Variants in TBCK observed in about 807,000 individuals in gnomAD.
TBCK encodes TBC1 domain containing kinase, also known as TBC domain-containing protein kinase-like protein.
Under a neutral mutation model 113.4 loss-of-function variants are expected in TBCK, and 99 were observed. The observed-to-expected ratio is 0.87, with a 90% confidence interval of 0.74 to 1.03. The LOEUF (loss-of-function observed/expected upper bound fraction) is 1.03, where lower values mean the gene tolerates loss of function less well. Among genes scored for constraint, TBCK ranks in the 50% least tolerant of loss-of-function variants. The pLI is 0.00. For synonymous variants in TBCK, 369 were observed against 370.8 expected, an observed-to-expected ratio of 1.00 and a Z score of 0.05; for missense variants, 1,045 against 1,061.3, an observed-to-expected ratio of 0.98 and a Z score of 0.21.
rs762010527 is a variant in TBCK at position 106,233,654 on chromosome 4, C to G, written c.1450-4G>C. Reference sequence around the variant, plus strand: ...CGTACTTGGCATGAATAGCTCCCTGCAAAAAATAAAAGAAGATATATTAAT... The same window carrying G: ...CGTACTTGGCATGAATAGCTCCCTGGAAAAAATAAAAGAAGATATATTAAT... On this transcript the variant is annotated splice_region_variant and splice_polypyrimidine_tract_variant and intron_variant, in intron 15 of 25. Coordinates refer to ENST00000394708, the MANE Select transcript of TBCK (RefSeq NM_001163435.3). 6.3e-7 allele frequency: 1 copy of G among 1,599,858 alleles called. No individual in the cohort carries two copies.
chr4:106,284,671 G>A (rs1764941713), intron 3 of TBCK, among the ~76,000 whole-genome samples: 1 of 152,076 alleles, frequency 6.6e-6, no homozygotes, highest in South Asian at 2.1e-4. Flanking sequence ...ATCTGTCCAT[G>A]AGCTACATTT....
Position 106,043,594 on chromosome 4 carries a change from A to AATC in TBCK, c.*2973_*2975dup, listed in dbSNP as rs2149435541. 1 of 152,330 alleles carries AATC rather than the reference A, an allele frequency of 6.6e-6. No homozygotes were observed. The highest frequency in any genetic ancestry group is 6.5e-5 in the Admixed American group (1 of 15,296). 9.4% of individuals were successfully genotyped at this position (152,330 alleles called of 1,614,324 possible). On this transcript the variant is annotated 3_prime_UTR_variant, in exon 26 of 26. Transcript: ENST00000394708. Reference sequence around the variant, plus strand: ...CAAACGATTGCAAAATGATGTAATAAATCTATTATTAGTAAATTATGAATG... The same window carrying AATC: ...CAAACGATTGCAAAATGATGTAATAAATCATCTATTATTAGTAAATTATGAATG...
In TBCK at chr4:106,212,820, A is replaced by G; in HGVS notation, c.1790T>C (p.Phe597Ser). 6.2e-7 allele frequency: 1 copy of G among 1,611,222 alleles called. No homozygotes were observed. The highest frequency in any genetic ancestry group is 1.1e-5 in the South Asian group (1 of 90,828). Residue 597 changes from phenylalanine (F) to serine (S), a missense_variant, in exon 20 of 26, where the codon TTC (phenylalanine) becomes TCC (serine). Physicochemically the swap from Phe to Ser is radical, Grantham distance 155. Coordinates refer to ENST00000394708, the MANE Select transcript of TBCK (RefSeq NM_001163435.3). ...SHVIQEYLTV[F>S]SQMIAFHDPE... ...ATCATGAAATGCAATCATCTGAGAG[A>G]AGACAGTCAGATACTCTGAAATTAC...
intron 2 of TBCK, among the ~76,000 whole-genome samples, chr4:106,302,777 G>C (rs1421445656): frequency 6.6e-6 from 1 of 152,196 alleles, no homozygotes; most frequent in Non-Finnish European, 1.5e-5. Flanking sequence ...GCTGGATTAA[G>C]GGTAAGGGCT....
chr4:106,237,909 T>C (rs1759654895), intron 12 of TBCK, among the ~76,000 whole-genome samples: 1 of 152,086 alleles, frequency 6.6e-6, no homozygotes, highest in African/African-American at 2.4e-5. Context: ...TGTCTGTCTT[T>C]TCTAAATAAA....
At chr4:106,094,051 A>C (rs1353551021) in intron 25 of TBCK, among the ~76,000 whole-genome samples, 3 of 152,178 alleles carry the variant, frequency 2.0e-5, no homozygotes, top group Admixed American at 6.5e-5. Flanking sequence ...TGCTCTGTGA[A>C]AAGCAAAAAC....
chr4:106,143,954 T>C (rs918750425), intron 23 of TBCK, among the ~76,000 whole-genome samples: 2 of 150,854 alleles, frequency 1.3e-5, no homozygotes, highest in African/African-American at 2.4e-5. Context: ...CCGCAATTAC[T>C]CTTGCACCAA....
At chr4:106,213,609 AC>A (rs1486604399) in intron 19 of TBCK, 5 of 153,394 alleles carry the variant, frequency 3.3e-5, no homozygotes, top group African/African-American at 1.2e-4. Context: ...GGGGTGACGG[AC>A]GGCACCTGGA....
Position 106,084,459 on chromosome 4 carries a change from C to T in TBCK, c.2571+11023G>A, listed in dbSNP as rs554824984. Among the ~76,000 whole-genome samples the T allele has an allele frequency of 1.2e-4, 19 of 152,102 alleles. No homozygotes were observed. The South Asian group carries it at 1.3e-3, about 10-fold the overall frequency. ...TTAATAAAAAGACTGAACCTATGAT[C>T]GACCGGAGTACCAGAAGGAGACAGG... On this transcript the variant is annotated intron_variant, in intron 25 of 25. Coordinates refer to ENST00000394708, the MANE Select transcript of TBCK (RefSeq NM_001163435.3).
chr4:106,109,958 T>C (rs1370187161), intron 24 of TBCK, among the ~76,000 whole-genome samples: 1 of 152,118 alleles, frequency 6.6e-6, no homozygotes, highest in Non-Finnish European at 1.5e-5. Flanking sequence ...AACCCTCTTA[T>C]CCGGAGCCCG....
At chr4:106,294,566 C>T (rs1034120050) in intron 3 of TBCK, among the ~76,000 whole-genome samples, 2 of 151,902 alleles carry the variant, frequency 1.3e-5, no homozygotes, top group Admixed American at 6.6e-5. Context: ...ACCGTAAGCT[C>T]CGCCTCCTGG....
rs138310525 is a variant in TBCK at position 106,296,211 on chromosome 4, C to T, written c.194-1045G>A. On this transcript the variant is annotated intron_variant, in intron 2 of 25. Transcript: ENST00000394708. ...ATCTAAGAGGAATAAAAGAAAAGTACAACTGGCTTTACAAGCTTTTGGGGA... is the reference window on the plus strand; with the variant it reads ...ATCTAAGAGGAATAAAAGAAAAGTATAACTGGCTTTACAAGCTTTTGGGGA... 6.5e-4 allele frequency among the ~76,000 whole-genome samples: 99 copies of T among 152,186 alleles called. No individual in the cohort carries two copies. In the East Asian group the frequency reaches 0.016, roughly 25 times the overall value.
chr4:106,193,957 TTAA>T (rs1220022191), intron 21 of TBCK, among the ~76,000 whole-genome samples, 187 bp from the exon 22 acceptor site: 1 of 152,138 alleles, frequency 6.6e-6, no homozygotes, highest in Non-Finnish European at 1.5e-5. Context: ...CTAAGGCATC[TTAA>T]AAAATTGATA....
chr4:106,200,266 T>TG (rs1754727195), intron 20 of TBCK, among the ~76,000 whole-genome samples: 1 of 152,158 alleles, frequency 6.6e-6, no homozygotes, highest in African/African-American at 2.4e-5. Context: ...CATGGCCAGG[T>TG]GCAGTGGCTC....
intron 25 of TBCK, among the ~76,000 whole-genome samples, chr4:106,048,058 C>T (rs1477225122): frequency 6.6e-6 from 1 of 151,982 alleles, no homozygotes; most frequent in Admixed American, 6.6e-5. Flanking sequence ...AGTGGTTTGG[C>T]CAGGACAAGT....
At position 106,278,487 on chromosome 4, in the gene TBCK, A is replaced by G. The variant is rs976024813; in HGVS notation, c.267-16275T>C. Among the ~76,000 whole-genome samples the G allele has an allele frequency of 3.6e-5, 5 of 137,852 alleles. No individual in the cohort carries two copies. The Admixed American group carries it at 4.1e-4, about 11-fold the overall frequency. 90.4% of individuals were successfully genotyped at this position (137,852 alleles called of 152,430 possible). ...GGCACAAGAATTGCTTGAACCCAGG[A>G]GGCAGAGGTTGCAGTGAGCCCAGAT... On this transcript the variant is annotated intron_variant, in intron 3 of 25. Transcript: ENST00000394708.
intron 24 of TBCK, among the ~76,000 whole-genome samples, chr4:106,104,264 A>G (rs1162910221): frequency 6.6e-6 from 1 of 152,200 alleles, no homozygotes; most frequent in Non-Finnish European, 1.5e-5. Flanking sequence ...CTCACAAGAT[A>G]AGACCTACTG....
At chr4:106,075,732 T>C (rs777232030) in intron 25 of TBCK, among the ~76,000 whole-genome samples, 6 of 152,200 alleles carry the variant, frequency 3.9e-5, no homozygotes, top group Admixed American at 6.5e-5. Context: ...GAGTAAGATA[T>C]TAGAAAACAT....
intron 23 of TBCK, among the ~76,000 whole-genome samples, chr4:106,121,474 A>C (rs1391765360): frequency 6.7e-6 from 1 of 149,134 alleles, no homozygotes; most frequent in African/African-American, 2.5e-5. Context: ...ACGAGACAGA[A>C]AGTCAACAAG....
Sources: gnomAD v4.1 joint callset for allele counts (sites outside exome capture counted in the v4.1 genomes callset) on GRCh38, gnomAD v4.1.1 for gene constraint, MANE v1.5 for transcripts, NCBI Gene and HGNC (gene_info 2026-07-23, HGNC 2026-07-21) for gene names.